Variants in RFC3 observed in about 807,000 individuals in gnomAD.
The protein encoded by RFC3 is replication factor C subunit 3.
A neutral mutation model predicts 45.1 loss-of-function variants in RFC3; 41 were observed. The observed-to-expected ratio is 0.91, with a 90% CI of 0.71 to 1.18. The LOEUF is 1.18. Among genes scored for constraint, RFC3 ranks in the 50% most tolerant of loss-of-function variants. The probability of loss-of-function intolerance (pLI) is 0.00; values close to 1 mark genes in which losing one functional copy is unlikely to be tolerated. For missense variants in RFC3, 423 were observed against 428.1 expected (o/e 0.99, Z 0.10); for synonymous variants, 149 against 144.0 (o/e 1.03, Z -0.25).
chr13:33,863,941 A>G (rs1215684737), intron 8 of RFC3, among the ~76,000 whole-genome samples: 1 of 152,154 alleles, frequency 6.6e-6, no homozygotes, highest in Non-Finnish European at 1.5e-5. Context: ...CACTGCTATA[A>G]AGGAATACCT....
At chr13:33,889,638 A>T (rs2137629516) in intron 8 of RFC3, among the ~76,000 whole-genome samples, 1 of 152,326 alleles carries the variant, frequency 6.6e-6, no homozygotes, top group Middle Eastern at 3.4e-3. Context: ...ATACTATGTA[A>T]TAGAGCACCA....
chr13:33,967,161 A>G (rs1211080705), downstream of RFC3, among the ~76,000 whole-genome samples: 1 of 152,032 alleles, frequency 6.6e-6, no homozygotes, highest in African/African-American at 2.4e-5. Flanking sequence ...CTACCTTAAA[A>G]AATTAAAAAA....
At chr13:33,974,292 G>A in the RFC3 span, among the ~76,000 whole-genome samples, 3 of 152,156 alleles carry the variant, frequency 2.0e-5, no homozygotes, top group Admixed American at 1.3e-4. Context: ...AACTGTTGTA[G>A]TAATAAGGAA....
intron 8 of RFC3, among the ~76,000 whole-genome samples, chr13:33,897,490 A>G (rs1025607754): frequency 1.3e-5 from 2 of 152,108 alleles, no homozygotes; most frequent in African/African-American, 4.8e-5. Context: ...CCATAAAGGA[A>G]AAGAGTAAGA....
intron 1 of RFC3, 51 bp from the exon 2 acceptor site, chr13:33,821,081 C>G (rs376427292): frequency 6.2e-7 from 1 of 1,601,456 alleles, no homozygotes; most frequent in Non-Finnish European, 8.5e-7. Context: ...TTGGTTCTAC[C>G]TAGAGCAGTT....
chr13:33,853,957 A>G (rs1448895985), intron 8 of RFC3, among the ~76,000 whole-genome samples: 3 of 152,344 alleles, frequency 2.0e-5, no homozygotes, highest in Admixed American at 1.3e-4. Flanking sequence ...GTGAGTTTCC[A>G]TGTGACACAG....
At chr13:33,858,986 G>A (rs769225181) in intron 8 of RFC3, among the ~76,000 whole-genome samples, 4 of 152,212 alleles carry the variant, frequency 2.6e-5, no homozygotes, top group African/African-American at 9.6e-5. Context: ...ACACTCAGTC[G>A]TATGTGTCCA....
In RFC3 at chr13:33,864,099, A is replaced by G. The variant is rs189385476; in HGVS notation, c.879+28882A>G. ...TGGAAGGCGATGGGGGACCTGGAGT[A>G]TCACATTGTGAGAGAGGGAGTGAGA... On this transcript the variant is annotated intron_variant, in intron 8 of 8. Coordinates refer to the RFC3 transcript ENST00000434425. Among the ~76,000 whole-genome samples, 273 of 152,210 alleles carry G rather than the reference A, an allele frequency of 1.8e-3. 1 individual carries two copies. Among genetic ancestry groups the G allele is most frequent in the Non-Finnish European group, 3.2e-3 (219 of 68,002 alleles).
chr13:33,975,536 T>C, the RFC3 span, among the ~76,000 whole-genome samples: 1 of 152,178 alleles, frequency 6.6e-6, no homozygotes, highest in African/African-American at 2.4e-5. Context: ...ATGCAAATCT[T>C]TAAATATCTC....
intron 8 of RFC3, chr13:33,847,727 A>G (rs1044097923): frequency 6.6e-6 from 1 of 152,104 alleles, no homozygotes; most frequent in Non-Finnish European, 1.5e-5. Flanking sequence ...TTTCCTTCTT[A>G]TAACTTCAAA....
chr13:33,920,834 C>T (rs1158910712), intron 8 of RFC3, among the ~76,000 whole-genome samples: 1 of 152,048 alleles, frequency 6.6e-6, no homozygotes, highest in Non-Finnish European at 1.5e-5. Context: ...GGTAGCATGT[C>T]TTTATCTTAC....
intron 8 of RFC3, among the ~76,000 whole-genome samples, chr13:33,953,261 C>A (rs1003449048): frequency 2.0e-4 from 29 of 145,262 alleles, no homozygotes; most frequent in African/African-American, 7.4e-4. Context: ...CGGTCTAGAT[C>A]TAGGCTGGAC....
rs139819712 is a variant in RFC3 at position 33,870,185 on chromosome 13, C to T, written c.879+34968C>T. ...TGAACAGCTCAGCTTCATAAAAAAT[C>T]ATTTGCATGGAACTGGTGAAGGGCA... is the stretch of plus-strand genomic sequence containing the variant. On this transcript the variant is annotated intron_variant, in intron 8 of 8. Coordinates refer to the RFC3 transcript ENST00000434425. 2.0e-3 allele frequency among the ~76,000 whole-genome samples: 305 copies of T among 152,330 alleles called. 1 individual carries two copies. Among genetic ancestry groups the T allele is most frequent in the African/African-American group, 7.1e-3 (295 of 41,578 alleles).
chr13:33,925,046 C>CAT (rs148300892), intron 8 of RFC3, among the ~76,000 whole-genome samples: 15 of 148,278 alleles, frequency 1.0e-4, no homozygotes, highest in Middle Eastern at 4.1e-3. Context: ...ATATAGTGTA[C>CAT]ATATATATAT....
intron 8 of RFC3, among the ~76,000 whole-genome samples, chr13:33,913,119 G>T (rs2082712860): frequency 6.6e-6 from 1 of 152,094 alleles, no homozygotes; most frequent in African/African-American, 2.4e-5. Context: ...AGGTGTGTCT[G>T]TCCAGCATAA....
At chr13:33,934,260 G>A (rs1180950292) in intron 8 of RFC3, among the ~76,000 whole-genome samples, 1 of 152,064 alleles carries the variant, frequency 6.6e-6, no homozygotes, top group African/African-American at 2.4e-5. Flanking sequence ...TTGATTCTTG[G>A]AGGTTGAGTC....
chr13:33,828,950 A>G (rs2082076824), intron 4 of RFC3, among the ~76,000 whole-genome samples: 1 of 152,150 alleles, frequency 6.6e-6, no homozygotes, highest in Admixed American at 6.5e-5. Context: ...CGTTGCTGAT[A>G]CTATGTGGGC....
intron 8 of RFC3, among the ~76,000 whole-genome samples, chr13:33,860,475 G>A (rs139397763): frequency 9.9e-5 from 15 of 152,280 alleles, no homozygotes; most frequent in African/African-American, 3.4e-4. Flanking sequence ...CCCCTCTGCA[G>A]AGGAGGCATT....
rs1296562941 is a variant in RFC3 at position 33,823,948 on chromosome 13, C to T, written c.257C>T (p.Thr86Ile). Reference sequence around the variant, plus strand: ...TCTAAAAAAAAAATTGAAATTAGCACCATTGCAAGTAACTACCACCTTGAA... The same window carrying T: ...TCTAAAAAAAAAATTGAAATTAGCATCATTGCAAGTAACTACCACCTTGAA... ...TPSKKKIEIS[T>I]IASNYHLEVN... Residue 86 changes from threonine (T) to isoleucine (I), a missense_variant, in exon 3 of 9, where the codon ACC becomes ATC. Transcript: ENST00000380071. 2.6e-6 allele frequency: 4 copies of T among 1,566,674 alleles called. No individual in the cohort carries two copies. The highest frequency in any genetic ancestry group is 4.6e-5 in the East Asian group (2 of 43,872).
Sources: allele counts gnomAD v4.1 joint callset (sites outside exome capture counted in the v4.1 genomes callset), GRCh38; gene constraint gnomAD v4.1.1; transcripts MANE v1.5; gene names NCBI Gene and HGNC (gene_info 2026-07-23, HGNC 2026-07-21).